Variants in RAD51AP2 observed in about 807,000 individuals in gnomAD.
RAD51AP2 encodes RAD51 associated protein 2.
Under a neutral mutation model 85.5 loss-of-function variants are expected in RAD51AP2, and 67 were observed. That is an observed-to-expected ratio of 0.78 (90% CI 0.64 to 0.96). The LOEUF (loss-of-function observed/expected upper bound fraction) is 0.96, where lower values mean the gene tolerates loss of function less well. Ranked by LOEUF, RAD51AP2 falls within the 40% of genes least tolerant of loss-of-function variation. RAD51AP2 has a pLI of 0.00. For missense variants in RAD51AP2, 1,307 were observed against 1,332.4 expected (o/e 0.98, Z 0.30); for synonymous variants, 474 against 446.5 (o/e 1.06, Z -0.78).
At chr2:17,531,467 A>C in the RAD51AP2 span, among the ~76,000 whole-genome samples, 2 of 152,248 alleles carry the variant, frequency 1.3e-5, no homozygotes, top group African/African-American at 2.4e-5. Context: ...TTCTAAAAAC[A>C]TCATATGTGC....
rs1204444054 is a variant in RAD51AP2 at position 17,516,433 on chromosome 2, C to T, written c.1983G>A (p.Lys661=). ...AGGAATTAATGAGTTTTTTCTTAGA[C>T]TTTTCAAAAACTTGTTCAGTTCTAA... The part of the protein sequence containing the change: ...KLFRTEQVFE[K]SKKKLINSFS... Residue 661 remains lysine (K), a synonymous_variant, in exon 1 of 3, where the codon AAG becomes AAA. Transcript: ENST00000399080. 1 of 1,590,266 alleles carries T rather than the reference C, an allele frequency of 6.3e-7. No homozygotes were observed. Among genetic ancestry groups the T allele is most frequent in the Admixed American group, 1.8e-5 (1 of 55,080 alleles).
rs749966495 is a variant in RAD51AP2 at position 17,516,403 on chromosome 2, A to G, written c.2013T>C (p.Ser671=). The part of the protein sequence containing the change: ...KSKKKLINSF[S]MTTQNTGFPI... ...GAAAACCTGTATTTTGAGTTGTCAT[A>G]CTGAAGGAATTAATGAGTTTTTTCT... Residue 671 remains serine (S), a synonymous_variant, in exon 1 of 3, where the codon AGT becomes AGC. Transcript: ENST00000399080. 6.2e-7 allele frequency: 1 copy of G among 1,607,676 alleles called. No individual in the cohort carries two copies. Among genetic ancestry groups the G allele is most frequent in the Admixed American group, 1.7e-5 (1 of 58,794 alleles).
Position 17,515,649 on chromosome 2 carries a change from A to G in RAD51AP2, c.2767T>C (p.Ser923Pro), listed in dbSNP as rs758439634. ...AATTGATGATTAATATATAATGCAG[A>G]GTCATTCTTTCTGTGAAAATCCTTT... Reference protein sequence around the residue: ...NSKDFHRKNDSALYINHQFET... With the variant: ...NSKDFHRKNDPALYINHQFET... Residue 923 changes from serine (S) to proline (P), a missense_variant, in exon 1 of 3, where the codon TCT becomes CCT. Physicochemically the swap from Ser to Pro is moderately conservative, Grantham distance 74. This residue lies in a region of RAD51AP2 where 668 missense variants were observed against 671.0 expected (regional missense o/e 1.00). Coordinates refer to ENST00000399080, the MANE Select transcript of RAD51AP2 (RefSeq NM_001099218.3). The G allele has an allele frequency of 3.1e-6, 5 of 1,612,730 alleles. No homozygotes were observed. In the Admixed American group the frequency reaches 8.3e-5, roughly 27 times the overall value.
In RAD51AP2 at chr2:17,517,229, T is replaced by A; in HGVS notation, c.1187A>T (p.Asp396Val). The part of the protein sequence containing the change: ...LTRLEKSQNW[D>V]CNVRHILRRN... The stretch of plus-strand genomic sequence containing the variant: ...TCTCAAAATATGTCTAACGTTACAG[T>A]CCCAGTTTTGAGATTTTTCCAGCCT... The change falls in exon 1 of 3, where the codon GAC becomes GTC. Residue 396 changes from aspartate to valine, a missense_variant. Asp to Val is a radical substitution (Grantham distance 152). Coordinates refer to ENST00000399080, the MANE Select transcript of RAD51AP2 (RefSeq NM_001099218.3). 6.2e-7 allele frequency: 1 copy of A among 1,613,972 alleles called. No individual in the cohort carries two copies. The highest frequency in any genetic ancestry group is 8.5e-7 in the Non-Finnish European group (1 of 1,179,938).
At chr2:17,518,660 G>T (rs1319047897), upstream of RAD51AP2, among the ~76,000 whole-genome samples, 1 of 150,126 alleles carries the variant, frequency 6.7e-6, no homozygotes, top group African/African-American at 2.5e-5. Flanking sequence ...ACTGAAGGTC[G>T]GAGCACCCTG....
upstream of RAD51AP2, among the ~76,000 whole-genome samples, chr2:17,520,480 C>G (rs1255800094): frequency 6.6e-6 from 1 of 152,144 alleles, no homozygotes; most frequent in East Asian, 1.9e-4. Flanking sequence ...TTACCCAACC[C>G]TTCCTTTGAA....
chr2:17,515,152 T>C lies in RAD51AP2; in HGVS notation c.3247+17A>G, dbSNP rs539219126. 6.5e-7 allele frequency: 1 copy of C among 1,527,144 alleles called. No homozygotes were observed. The highest frequency in any genetic ancestry group is 1.3e-5 in the South Asian group (1 of 74,528). 94.6% of individuals were successfully genotyped at this position (1,527,144 alleles called of 1,614,324 possible). On this transcript the variant is annotated intron_variant, in intron 1 of 2. Transcript: ENST00000399080. ...TTTTCTAGCATGAGAAATAATGTTC[T>C]AAAATGAATTTCATACCTTTCTCAG...
chr2:17,527,111 C>T, the RAD51AP2 span, among the ~76,000 whole-genome samples: 14 of 152,016 alleles, frequency 9.2e-5, no homozygotes, highest in Admixed American at 5.2e-4. Context: ...ATATGGGCTC[C>T]GCACCCCGAA....
At position 17,518,429 on chromosome 2, in the gene RAD51AP2, A is replaced by G; in HGVS notation, c.-14T>C. On this transcript the variant is annotated 5_prime_UTR_variant, in exon 1 of 3. Transcript: ENST00000399080. Reference sequence around the variant, plus strand: ...AGGGAGAGACATGACAGCGAATGGAAAGGATCTGTCCGAGTCCCGGCGGGG... The same window carrying G: ...AGGGAGAGACATGACAGCGAATGGAGAGGATCTGTCCGAGTCCCGGCGGGG... 6.2e-7 allele frequency: 1 copy of G among 1,606,042 alleles called. No homozygotes were observed. Among genetic ancestry groups the G allele is most frequent in the Non-Finnish European group, 8.5e-7 (1 of 1,177,270 alleles).
chr2:17,532,048 G>A, the RAD51AP2 span, among the ~76,000 whole-genome samples: 5 of 141,078 alleles, frequency 3.5e-5, no homozygotes, highest in South Asian at 4.2e-4. Flanking sequence ...AAGCCGGGGT[G>A]GGGGGGGAAG....
intron 1 of RAD51AP2, 119 bp from the exon 2 acceptor site, chr2:17,514,211 A>G: frequency 1.4e-6 from 1 of 733,734 alleles, no homozygotes; most frequent in Non-Finnish European, 2.3e-6. Context: ...ATTTAGAAAA[A>G]TGAAGTAGGA....
At position 17,517,954 on chromosome 2, in the gene RAD51AP2, C is replaced by T. The variant is rs749816551; in HGVS notation, c.462G>A (p.Gly154=). The T allele has an allele frequency of 6.2e-7, 1 of 1,613,934 alleles. No homozygotes were observed. Among genetic ancestry groups the T allele is most frequent in the Non-Finnish European group, 8.5e-7 (1 of 1,180,020 alleles). Residue 154 remains glycine, a synonymous_variant, in exon 1 of 3, where the codon GGG becomes GGA. Coordinates refer to ENST00000399080, the MANE Select transcript of RAD51AP2 (RefSeq NM_001099218.3). ...AGGTGCTGGGCAGAAGTTGACTAAC[C>T]CCTGCTTTGGAGCTATTACTGCGGT... is the stretch of plus-strand genomic sequence containing the variant. ...SVHRSNSSKA[G]VSQLLPSTSI...
chr2:17,519,010 G>T (rs539891754), upstream of RAD51AP2, among the ~76,000 whole-genome samples: 1 of 151,930 alleles, frequency 6.6e-6, no homozygotes, highest in African/African-American at 2.4e-5. Flanking sequence ...TGTGTTTGGG[G>T]GAAAAAAGCC....
chr2:17,532,327 G>C, the RAD51AP2 span, among the ~76,000 whole-genome samples: 2 of 152,078 alleles, frequency 1.3e-5, no homozygotes, highest in Non-Finnish European at 2.9e-5. Context: ...GCCACTTCTA[G>C]CTTCTTGTTG....
At chr2:17,520,580 T>C (rs1015875689), upstream of RAD51AP2, among the ~76,000 whole-genome samples, 6 of 152,108 alleles carry the variant, frequency 3.9e-5, no homozygotes, top group East Asian at 9.6e-4. Flanking sequence ...ATAGTTCAAC[T>C]CTGAATGAAT....
rs192149926 is a variant in RAD51AP2 at position 17,510,720 on chromosome 2, C to A, written c.*84G>T. The A allele has an allele frequency of 1.4e-5, 13 of 900,984 alleles. No individual in the cohort carries two copies. The highest frequency in any genetic ancestry group is 3.0e-5 in the East Asian group (1 of 33,328). 55.8% of individuals were successfully genotyped at this position (900,984 alleles called of 1,614,324 possible). A position where few individuals can be genotyped will look rare whatever the true frequency, so the allele number is the denominator to read the frequency against. On this transcript the variant is annotated 3_prime_UTR_variant, in exon 3 of 3. Transcript: ENST00000399080. ...CTTCTCCACTTTATAATAAAGCAAG[C>A]CCCAAACCCCCAAGCTGGAAGAACA...
chr2:17,513,237 CTTTTTT>C (rs11394351), intron 2 of RAD51AP2, among the ~76,000 whole-genome samples: 2 of 111,214 alleles, frequency 1.8e-5, no homozygotes, highest in African/African-American at 3.3e-5. Flanking sequence ...TTAGTGTGTG[CTTTTTT>C]TTTTTTTTTT....
At position 17,517,181 on chromosome 2, in the gene RAD51AP2, A is replaced by C; in HGVS notation, c.1235T>G (p.Ile412Ser). 1 of 1,610,604 alleles carries C rather than the reference A, an allele frequency of 6.2e-7. No homozygotes were observed. Among genetic ancestry groups the C allele is most frequent in the Non-Finnish European group, 8.5e-7 (1 of 1,178,980 alleles). Residue 412 changes from isoleucine to serine, a missense_variant, in exon 1 of 3, where the codon ATT (isoleucine) becomes AGT (serine). This residue lies in a region of RAD51AP2 where 635 missense variants were observed against 643.6 expected (regional missense o/e 0.99). Coordinates refer to ENST00000399080, the MANE Select transcript of RAD51AP2 (RefSeq NM_001099218.3). ...ILRRNRGNCW[I>S]INNCKTKCEN... ...ACATTTAGTCTTGCAATTATTTATA[A>C]TCCAACAATTTCCTCTATTTCTTCT...
At chr2:17,524,496 C>A in the RAD51AP2 span, among the ~76,000 whole-genome samples, 1 of 152,050 alleles carries the variant, frequency 6.6e-6, no homozygotes, top group Non-Finnish European at 1.5e-5. Context: ...AAAGCTGAGT[C>A]TTAAAGGTTA....
Sources: allele counts gnomAD v4.1 joint callset (sites outside exome capture counted in the v4.1 genomes callset), GRCh38; gene constraint gnomAD v4.1.1; regional missense constraint gnomAD v4.1.1; transcripts MANE v1.5; gene names NCBI Gene and HGNC (gene_info 2026-07-23, HGNC 2026-07-21).